Variants in CNTNAP5 observed in about 807,000 individuals in gnomAD.
CNTNAP5 encodes contactin associated protein family member 5.
In CNTNAP5, 72 loss-of-function variants were observed where a neutral mutation model predicts 150.2. The observed-to-expected ratio is 0.48, with a 90% confidence interval of 0.40 to 0.58. The LOEUF (loss-of-function observed/expected upper bound fraction) is 0.58, where lower values mean the gene tolerates loss of function less well. CNTNAP5 is among the 20% of genes least tolerant of loss of function. CNTNAP5 has a pLI of 0.00. For missense variants in CNTNAP5, 1,636 were observed against 1,626.2 expected, an observed-to-expected ratio of 1.01 and a Z score of -0.10; for synonymous variants, 672 against 619.8, an observed-to-expected ratio of 1.08 and a Z score of -1.25.
chr2:124,223,776 A>T (rs1418673481), intron 2 of CNTNAP5, among the ~76,000 whole-genome samples: 1 of 151,592 alleles, frequency 6.6e-6, no homozygotes, highest in Non-Finnish European at 1.5e-5. Context: ...TGAGTGCCTG[A>T]ATCCAAGGCT....
At chr2:124,586,360 G>A (rs1381468669) in intron 11 of CNTNAP5, among the ~76,000 whole-genome samples, 3 of 152,110 alleles carry the variant, frequency 2.0e-5, no homozygotes, top group African/African-American at 4.8e-5. Context: ...AGTCAGGGTC[G>A]CTGAGCCCCT....
intron 1 of CNTNAP5, among the ~76,000 whole-genome samples, chr2:124,065,667 C>T (rs1000523137): frequency 2.0e-5 from 3 of 152,108 alleles, no homozygotes; most frequent in African/African-American, 7.2e-5. Context: ...TATAATAACA[C>T]AAAGGATCCA....
intron 1 of CNTNAP5, among the ~76,000 whole-genome samples, chr2:124,192,604 C>T (rs1685486279): frequency 6.6e-6 from 1 of 152,152 alleles, no homozygotes; most frequent in Admixed American, 6.5e-5. Flanking sequence ...CACTCTCCAC[C>T]TCTCAGCTTC....
intron 10 of CNTNAP5, among the ~76,000 whole-genome samples, chr2:124,532,421 A>G (rs1011724021): frequency 6.6e-6 from 1 of 152,164 alleles, no homozygotes; most frequent in African/African-American, 2.4e-5. Flanking sequence ...ATCCATGTAG[A>G]TGATTCCCAG....
intron 19 of CNTNAP5, among the ~76,000 whole-genome samples, chr2:124,843,406 C>T (rs190573964): frequency 9.0e-4 from 136 of 150,374 alleles, no homozygotes; most frequent in African/African-American, 3.1e-3. Context: ...ATCCCTTATC[C>T]ACTCGTTGAT....
chr2:124,798,158 G>A lies in CNTNAP5; in HGVS notation c.3055G>A (p.Val1019Met), dbSNP rs1422804545. ...VTYMFQEPYP[V>M]TKNISLSSSA... ...TTACATGTTTCAAGAACCCTATCCT[G>A]TGACCAAGAATATAAGCCTCTCATC... The change falls in exon 19 of 24, where the codon GTG becomes ATG. Residue 1019 changes from valine (V) to methionine (M), a missense_variant. Physicochemically the swap from Val to Met is conservative, Grantham distance 21 (BLOSUM62 1). Transcript: ENST00000682447. 1.9e-6 allele frequency: 3 copies of A among 1,613,646 alleles called. No homozygotes were observed. Among genetic ancestry groups the A allele is most frequent in the African/African-American group, 2.7e-5 (2 of 74,922 alleles).
At chr2:124,848,794 T>C (rs1367150382) in intron 19 of CNTNAP5, among the ~76,000 whole-genome samples, 1 of 152,100 alleles carries the variant, frequency 6.6e-6, no homozygotes, top group Non-Finnish European at 1.5e-5. Flanking sequence ...TCATTGTATG[T>C]TTTCTTTGGA....
intron 11 of CNTNAP5, among the ~76,000 whole-genome samples, chr2:124,569,846 T>C (rs1284628774): frequency 2.0e-5 from 3 of 152,230 alleles, no homozygotes; most frequent in Non-Finnish European, 4.4e-5. Flanking sequence ...TATCAGATGT[T>C]ATAGTAATCA....
rs993622205 is a variant in CNTNAP5 at position 124,430,149 on chromosome 2, G to T, written c.530-4335G>T. ...AGGGATGGAGGACCCCTTAGAAAAA[G>T]GGCCAGGTGGGAACCGACAGATGAG... On this transcript the variant is annotated intron_variant, in intron 4 of 23. Coordinates refer to ENST00000682447, the MANE Select transcript of CNTNAP5 (RefSeq NM_001367498.1). Among the ~76,000 whole-genome samples the T allele has an allele frequency of 2.0e-5, 3 of 152,066 alleles. No homozygotes were observed. The East Asian group carries it at 5.8e-4, about 29-fold the overall frequency.
chr2:124,900,322 A>T (rs1426920208), intron 21 of CNTNAP5, among the ~76,000 whole-genome samples: 1 of 151,596 alleles, frequency 6.6e-6, no homozygotes, highest in Admixed American at 6.6e-5. Flanking sequence ...AGAAACTAAA[A>T]TCATTTAGAA....
chr2:124,885,340 G>A (rs1678055863), intron 21 of CNTNAP5, among the ~76,000 whole-genome samples: 1 of 151,956 alleles, frequency 6.6e-6, no homozygotes, highest in Non-Finnish European at 1.5e-5. Flanking sequence ...CTTTACAGCA[G>A]TACTTGGATG....
intron 13 of CNTNAP5, among the ~76,000 whole-genome samples, chr2:124,707,128 AGAAGAAGAAGAG>A (rs763358866): frequency 0.01 from 921 of 89,904 alleles, 24 homozygotes; most frequent in Middle Eastern, 0.023. Context: ...AGAAGAAAGA[AGAAGAAGAAGAG>A]GAAGAAGAAG....
intron 1 of CNTNAP5, among the ~76,000 whole-genome samples, chr2:124,206,256 A>G (rs1202896417): frequency 3.3e-5 from 5 of 152,198 alleles, no homozygotes; most frequent in African/African-American, 1.2e-4. Flanking sequence ...AAACCAGGTC[A>G]ATAACACCTA....
intron 1 of CNTNAP5, among the ~76,000 whole-genome samples, chr2:124,150,181 A>G (rs1399121081): frequency 6.6e-6 from 1 of 152,214 alleles, no homozygotes; most frequent in Non-Finnish European, 1.5e-5. Flanking sequence ...ACCAGAAAGT[A>G]TTCATTTGCT....
chr2:124,170,811 G>A (rs888159579), intron 1 of CNTNAP5, among the ~76,000 whole-genome samples: 1 of 152,098 alleles, frequency 6.6e-6, no homozygotes, highest in South Asian at 2.1e-4. Flanking sequence ...ACCGAGACAG[G>A]TAATTGGGGA....
At chr2:124,455,162 CA>C (rs981064376) in intron 6 of CNTNAP5, among the ~76,000 whole-genome samples, 1 of 149,720 alleles carries the variant, frequency 6.7e-6, no homozygotes, top group Non-Finnish European at 1.5e-5. Flanking sequence ...CAAGATTAAC[CA>C]AAAAAAAGAA....
chr2:124,671,823 A>G (rs1327036619), intron 13 of CNTNAP5, among the ~76,000 whole-genome samples: 1 of 152,042 alleles, frequency 6.6e-6, no homozygotes, highest in Non-Finnish European at 1.5e-5. Context: ...TATTTTTAGT[A>G]GAGACAGAGT....
chr2:124,451,427 A>G (rs1172618510), intron 6 of CNTNAP5, among the ~76,000 whole-genome samples: 1 of 152,034 alleles, frequency 6.6e-6, no homozygotes, highest in Admixed American at 6.6e-5. Flanking sequence ...AATTTCGTCT[A>G]TGTAAAATTT....
In CNTNAP5 at chr2:124,773,290, C is replaced by T. The variant is rs796742827; in HGVS notation, c.2752+273C>T. ...ATTGTCTTCAGATGCCCAGGGACCC[C>T]TTTTGTTCTACATCATTGTAATATA... On this transcript the variant is annotated intron_variant, in intron 17 of 23. Coordinates refer to ENST00000682447, the MANE Select transcript of CNTNAP5 (RefSeq NM_001367498.1). Among the ~76,000 whole-genome samples, 15 of 152,256 alleles carry T rather than the reference C, an allele frequency of 9.9e-5. 1 individual carries two copies. The highest frequency in any genetic ancestry group is 3.4e-4 in the African/African-American group (14 of 41,564).
Sources: gnomAD v4.1 joint callset for allele counts (sites outside exome capture counted in the v4.1 genomes callset) on GRCh38, gnomAD v4.1.1 for gene constraint, MANE v1.5 for transcripts, NCBI Gene and HGNC (gene_info 2026-07-23, HGNC 2026-07-21) for gene names.